KIRREL1: variants seen among roughly 807,000 people sequenced by gnomAD.
KIRREL1 encodes the protein kirre like nephrin family adhesion molecule 1, also known as kin of IRRE-like protein 1.
KIRREL1 carries 25 observed loss-of-function variants against 83.3 expected under a neutral mutation model. That is an observed-to-expected ratio of 0.30 (90% confidence interval 0.22 to 0.42). KIRREL1 has a LOEUF of 0.42. Among genes scored for constraint, KIRREL1 ranks in the 10% least tolerant of loss-of-function variants. The pLI, the probability that KIRREL1 is intolerant of heterozygous loss-of-function variation, is 1.00. For missense variants in KIRREL1, 812 were observed against 1,032.3 expected, an observed-to-expected ratio of 0.79 and a Z score of 2.92; for synonymous variants, 388 against 410.4, an observed-to-expected ratio of 0.95 and a Z score of 0.66.
At chr1:158,019,181 A>G (rs1659928697) in intron 1 of KIRREL1, among the ~76,000 whole-genome samples, 1 of 152,198 alleles carries the variant, frequency 6.6e-6, no homozygotes, top group Admixed American at 6.5e-5. Flanking sequence ...TGTCATGATG[A>G]ACATGTGGAC....
rs1660526280 is a variant in KIRREL1 at position 158,038,185 on chromosome 1, A to G, written c.53-37928A>G. ...TGTGGTGACTCCATCCGTTCTCCTCATGTGTGAGCTGAGTCCTGTGCATTC... is the reference window on the plus strand; with the variant it reads ...TGTGGTGACTCCATCCGTTCTCCTCGTGTGTGAGCTGAGTCCTGTGCATTC... On this transcript the variant is annotated intron_variant, in intron 1 of 14. Coordinates refer to ENST00000359209, the MANE Select transcript of KIRREL1 (RefSeq NM_018240.7). 2.0e-5 allele frequency among the ~76,000 whole-genome samples: 3 copies of G among 152,164 alleles called. 1 individual carries two copies. In the South Asian group the frequency reaches 6.2e-4, roughly 31 times the overall value.
chr1:158,000,990 G>C (rs1013851577), intron 1 of KIRREL1, among the ~76,000 whole-genome samples: 2 of 152,194 alleles, frequency 1.3e-5, no homozygotes, highest in Non-Finnish European at 2.9e-5. Flanking sequence ...GTGGGTCTTG[G>C]GTTTTGAGGC....
In KIRREL1 at chr1:158,100,134, C is replaced by G. The variant is rs971804164; in HGVS notation, c.*5014C>G. ...AATGTGTATCTGTGTGTCCCTCACA[C>G]CTTTTCCTATTCTACTTTTTTTTCC... is the stretch of plus-strand genomic sequence containing the variant. On this transcript the variant is annotated 3_prime_UTR_variant, in exon 15 of 15. Transcript: ENST00000359209. 1 of 151,600 alleles carries G rather than the reference C, an allele frequency of 6.6e-6. No individual in the cohort carries two copies. Among genetic ancestry groups the G allele is most frequent in the East Asian group, 1.9e-4 (1 of 5,194 alleles). The allele number at this position is 151,600 out of a possible 1,614,324, so 9.4% of individuals were successfully genotyped here.
At chr1:158,072,899 C>A (rs1344334852) in intron 1 of KIRREL1, among the ~76,000 whole-genome samples, 1 of 151,564 alleles carries the variant, frequency 6.6e-6, no homozygotes, top group Non-Finnish European at 1.5e-5. Context: ...GAGAGGGGAC[C>A]CAGTAGCATT....
chr1:158,035,930 A>G (rs779990331), intron 1 of KIRREL1, among the ~76,000 whole-genome samples: 1 of 152,232 alleles, frequency 6.6e-6, no homozygotes, highest in African/African-American at 2.4e-5. Flanking sequence ...AGAGCCCTAC[A>G]GAACTACACA....
intron 1 of KIRREL1, among the ~76,000 whole-genome samples, chr1:158,075,040 A>G (rs1295236624): frequency 6.6e-6 from 1 of 152,178 alleles, no homozygotes; most frequent in African/African-American, 2.4e-5. Flanking sequence ...GCTGTCCTTC[A>G]GTCACTCCCT....
chr1:157,997,283 G>GTAA (rs1553234960), intron 1 of KIRREL1, among the ~76,000 whole-genome samples: 1 of 152,198 alleles, frequency 6.6e-6, no homozygotes, highest in African/African-American at 2.4e-5. Flanking sequence ...GAGGATGGAA[G>GTAA]TAATACCTCA....
chr1:158,014,986 A>G (rs367711258), intron 1 of KIRREL1, among the ~76,000 whole-genome samples: 3 of 152,154 alleles, frequency 2.0e-5, no homozygotes, highest in African/African-American at 7.2e-5. Flanking sequence ...AGCAGGCTTA[A>G]TCTTCCCAAG....
intron 10 of KIRREL1, among the ~76,000 whole-genome samples, chr1:158,090,501 G>A (rs1407912455): frequency 1.3e-5 from 2 of 152,072 alleles, no homozygotes; most frequent in African/African-American, 2.4e-5. Context: ...TCATTACCAC[G>A]GCCGCCCGGG....
At position 158,045,578 on chromosome 1, in the gene KIRREL1, G is replaced by A. The variant is rs564861273; in HGVS notation, c.53-30535G>A. ...AGAGGGTCCCAAGCATGGAGCTTCC[G>A]TGCCCTCTCCCTGTGGAATCAAGAC... On this transcript the variant is annotated intron_variant, in intron 1 of 14. Coordinates refer to ENST00000359209, the MANE Select transcript of KIRREL1 (RefSeq NM_018240.7). Among the ~76,000 whole-genome samples, 12 of 152,314 alleles carry A rather than the reference G, an allele frequency of 7.9e-5. No homozygotes were observed. In the South Asian group the frequency reaches 2.1e-3, roughly 26 times the overall value.
chr1:158,097,137 C>T lies in KIRREL1; in HGVS notation c.*2017C>T, dbSNP rs1662375709. On this transcript the variant is annotated 3_prime_UTR_variant, in exon 15 of 15. Coordinates refer to ENST00000359209, the MANE Select transcript of KIRREL1 (RefSeq NM_018240.7). Reference sequence around the variant, plus strand: ...CATTTACAGGCTTCCAGCTGTATTCCATCCCTGGAAGCTGATACCTTTCTA... The same window carrying T: ...CATTTACAGGCTTCCAGCTGTATTCTATCCCTGGAAGCTGATACCTTTCTA... The T allele has an allele frequency of 2.2e-6, 1 of 452,504 alleles. No individual in the cohort carries two copies. Among genetic ancestry groups the T allele is most frequent in the Admixed American group, 2.4e-5 (1 of 42,152 alleles). The allele number at this position is 452,504 out of a possible 1,614,324, so 28.0% of individuals were successfully genotyped here. A position where few individuals can be genotyped will look rare whatever the true frequency, so the allele number is the denominator to read the frequency against.
In KIRREL1 at chr1:158,088,164, T is replaced by C. The variant is rs1221289326; in HGVS notation, c.916+10T>C. On this transcript the variant is annotated intron_variant, in intron 7 of 14. Transcript: ENST00000359209. ...TTAGTAAATGTCCACTGTGAGTAGC[T>C]GGGAGGGCAGGGACGGGGACAGAGA... is the stretch of plus-strand genomic sequence containing the variant. 6.2e-7 allele frequency: 1 copy of C among 1,614,098 alleles called. No homozygotes were observed. Among genetic ancestry groups the C allele is most frequent in the East Asian group, 2.2e-5 (1 of 44,888 alleles).
intron 1 of KIRREL1, among the ~76,000 whole-genome samples, chr1:158,070,429 C>T (rs1392116508): frequency 6.6e-6 from 1 of 152,158 alleles, no homozygotes; most frequent in Non-Finnish European, 1.5e-5. Context: ...TGCCTCGGTG[C>T]CTGGCACATA....
chr1:158,020,320 T>C (rs1659966356), intron 1 of KIRREL1, among the ~76,000 whole-genome samples: 1 of 152,134 alleles, frequency 6.6e-6, no homozygotes, highest in Non-Finnish European at 1.5e-5. Flanking sequence ...CTCTGAGATC[T>C]GGATTTGCCT....
At chr1:157,994,120 G>T (rs993792009) in intron 1 of KIRREL1, among the ~76,000 whole-genome samples, 4 of 152,224 alleles carry the variant, frequency 2.6e-5, no homozygotes, top group African/African-American at 9.6e-5. Context: ...AGGCTGGGAA[G>T]AGGGTGGGAT....
At chr1:158,085,698 A>G (rs1661992697) in intron 4 of KIRREL1, among the ~76,000 whole-genome samples, 1 of 152,220 alleles carries the variant, frequency 6.6e-6, no homozygotes, top group Non-Finnish European at 1.5e-5. Flanking sequence ...ATGGTGGTCA[A>G]ACAACGGGGT....
intron 1 of KIRREL1, among the ~76,000 whole-genome samples, chr1:158,028,549 T>C (rs1345250235): frequency 3.9e-5 from 6 of 152,030 alleles, no homozygotes; most frequent in Admixed American, 3.3e-4. Flanking sequence ...ACCAGGCCTT[T>C]GCAAGGCATA....
In KIRREL1 at chr1:158,094,606, G is replaced by T. The variant is rs748446390; in HGVS notation, c.1798-38G>T. ...GTGAGACTTGATCCCCACCCAAGAG[G>T]GAACACTGCCTCCATCCTCTTCTCT... On this transcript the variant is annotated intron_variant, in intron 14 of 14. Transcript: ENST00000359209. This position sits in a 1 kb window ranked among gnomAD's most constrained non-coding sequence, Gnocchi z 4.6. 6.6e-7 allele frequency: 1 copy of T among 1,515,318 alleles called. No homozygotes were observed. The highest frequency in any genetic ancestry group is 9.0e-7 in the Non-Finnish European group (1 of 1,111,442). 93.9% of individuals were successfully genotyped at this position (1,515,318 alleles called of 1,614,324 possible). A position where few individuals can be genotyped will look rare whatever the true frequency, so the allele number is the denominator to read the frequency against.
chr1:158,049,690 G>A (rs1660863401), intron 1 of KIRREL1, among the ~76,000 whole-genome samples: 1 of 152,150 alleles, frequency 6.6e-6, no homozygotes, highest in African/African-American at 2.4e-5. Context: ...TATTGCAGTA[G>A]TCCAGGGGAG....
Sources: allele counts gnomAD v4.1 joint callset (sites outside exome capture counted in the v4.1 genomes callset), GRCh38; gene constraint gnomAD v4.1.1; non-coding constraint Gnocchi (gnomAD v3.1); transcripts MANE v1.5; gene names NCBI Gene and HGNC (gene_info 2026-07-23, HGNC 2026-07-21).